CCDC169: variants seen among roughly 807,000 people sequenced by gnomAD.
CCDC169 encodes coiled-coil domain-containing protein 169.
In CCDC169, 30 loss-of-function variants were observed where a neutral mutation model predicts 36.0. The ratio of observed to expected loss-of-function variants is 0.83; its 90% CI spans 0.62 to 1.13. CCDC169 has a LOEUF of 1.13. CCDC169 is among the 50% of genes most tolerant of loss of function. The pLI is 0.00. For synonymous variants in CCDC169, 85 were observed against 81.5 expected, an observed-to-expected ratio of 1.04 and a Z score of -0.23; for missense variants, 245 against 245.9, an observed-to-expected ratio of 1.00 and a Z score of 0.03.
At chr13:36,270,802 C>G (rs1875951441) in intron 4 of CCDC169, among the ~76,000 whole-genome samples, 1 of 152,050 alleles carries the variant, frequency 6.6e-6, no homozygotes, top group Non-Finnish European at 1.5e-5. Flanking sequence ...CATATAAGAT[C>G]TGAAAGTATA....
chr13:36,277,373 T>C (rs1413535108), intron 4 of CCDC169, among the ~76,000 whole-genome samples: 1 of 152,078 alleles, frequency 6.6e-6, no homozygotes, highest in Non-Finnish European at 1.5e-5. Flanking sequence ...CTGGACTTAA[T>C]ACCTAGGTGA....
intron 2 of CCDC169, among the ~76,000 whole-genome samples, chr13:36,289,371 G>C (rs1878607345): frequency 6.6e-6 from 1 of 152,118 alleles, no homozygotes; most frequent in Non-Finnish European, 1.5e-5. Context: ...GTCTAGAAAA[G>C]CAATATTTTC....
At chr13:36,237,846 T>C (rs1871275588) in intron 7 of CCDC169, among the ~76,000 whole-genome samples, 1 of 152,230 alleles carries the variant, frequency 6.6e-6, no homozygotes, top group South Asian at 2.1e-4. Context: ...CTTACCATTG[T>C]GTTACAATTG....
rs544981429 is a variant in CCDC169, at chr13:36,271,956, A to AT, written c.315+11512dup. On this transcript the variant is annotated intron_variant, in intron 4 of 7. Coordinates refer to ENST00000239859, the MANE Select transcript of CCDC169 (RefSeq NM_001144981.3). ...AAAAATTAGCCTGGAGTGGCAGTGC[A>AT]TGTCTGTCATCCCAGCTACTCAGGA... Among the ~76,000 whole-genome samples the AT allele has an allele frequency of 7.6e-4, 116 of 151,734 alleles. 1 individual carries two copies. The highest frequency in any genetic ancestry group is 2.5e-3 in the African/African-American group (102 of 41,394).
At chr13:36,271,113 G>A (rs970044870) in intron 4 of CCDC169, among the ~76,000 whole-genome samples, 2 of 152,090 alleles carry the variant, frequency 1.3e-5, no homozygotes, top group East Asian at 1.9e-4. Context: ...GACATGAATA[G>A]ATATTTCTCA....
At chr13:36,286,798 G>C in intron 2 of CCDC169, among the ~76,000 whole-genome samples, 1 of 152,114 alleles carries the variant, frequency 6.6e-6, no homozygotes, top group East Asian at 1.9e-4. Flanking sequence ...CTAGGGTGCT[G>C]AGGCTCTCCC....
chr13:36,283,376 G>T (rs922037916), intron 4 of CCDC169, 93 bp downstream of exon 4: 36 of 1,182,226 alleles, frequency 3.0e-5, no homozygotes, highest in Non-Finnish European at 4.2e-5. Flanking sequence ...TGGACCTTGC[G>T]CTAGTCTTCA....
chr13:36,297,720 A>G lies in CCDC169; in HGVS notation c.-1T>C, dbSNP rs932078346. The G allele has an allele frequency of 4.4e-5, 69 of 1,550,934 alleles. No homozygotes were observed. Among genetic ancestry groups the G allele is most frequent in the Non-Finnish European group, 5.6e-5 (64 of 1,146,968 alleles). ...AGTTGTAGTTTCTCTCTTCCTTCAT[A>G]GTGTCAGGCCAGAGACCTCCCGCGT... On this transcript the variant is annotated 5_prime_UTR_variant, in exon 1 of 8. Coordinates refer to ENST00000239859, the MANE Select transcript of CCDC169 (RefSeq NM_001144981.3).
At chr13:36,247,827 G>T (rs1872684951) in intron 7 of CCDC169, among the ~76,000 whole-genome samples, 1 of 152,212 alleles carries the variant, frequency 6.6e-6, no homozygotes, top group African/African-American at 2.4e-5. Context: ...CAGCAGCAGA[G>T]TTTGAAAGGA....
In CCDC169 at chr13:36,263,922, T is replaced by C. The variant is rs117706434; in HGVS notation, c.316-9779A>G. 8.1e-3 allele frequency among the ~76,000 whole-genome samples: 1,232 copies of C among 152,240 alleles called. 103 individuals are homozygous for C. In the South Asian group the frequency reaches 0.17, roughly 21 times the overall value. ...GGGGGTGAGGGAGGTAGTTCAAAATTCTGCCACATGGACGCTTGCTCCAAG... is the reference window on the plus strand; with the variant it reads ...GGGGGTGAGGGAGGTAGTTCAAAATCCTGCCACATGGACGCTTGCTCCAAG... On this transcript the variant is annotated intron_variant, in intron 4 of 7. Coordinates refer to ENST00000239859, the MANE Select transcript of CCDC169 (RefSeq NM_001144981.3).
chr13:36,264,038 A>G (rs762650573), intron 4 of CCDC169, among the ~76,000 whole-genome samples: 2 of 152,182 alleles, frequency 1.3e-5, no homozygotes, highest in Non-Finnish European at 2.9e-5. Flanking sequence ...AACCCTTTTT[A>G]GTATAGTTTT....
rs1370116144 is a variant in CCDC169, at chr13:36,270,180, C to CA, written c.315+13288dup. ...AACTCAATCTCTTTTACAATAGCTG[C>CA]AAAAACAAAACAACAACTAGGAATA... is the stretch of plus-strand genomic sequence containing the variant. On this transcript the variant is annotated intron_variant, in intron 4 of 7. Coordinates refer to ENST00000239859, the MANE Select transcript of CCDC169 (RefSeq NM_001144981.3). Among the ~76,000 whole-genome samples, 3 of 150,346 alleles carry CA rather than the reference C, an allele frequency of 2.0e-5. No individual in the cohort carries two copies. The Admixed American group carries it at 2.0e-4, about 10-fold the overall frequency.
At chr13:36,233,349 T>C (rs982913275) in intron 7 of CCDC169, among the ~76,000 whole-genome samples, 7 of 151,962 alleles carry the variant, frequency 4.6e-5, no homozygotes, top group African/African-American at 1.7e-4. Flanking sequence ...GAAACTAATA[T>C]ACAGAGTGGC....
chr13:36,259,885 T>C (rs1163048305), intron 4 of CCDC169, among the ~76,000 whole-genome samples: 3 of 152,198 alleles, frequency 2.0e-5, no homozygotes, highest in Admixed American at 1.3e-4. Context: ...GTGGCCTCTC[T>C]GGCCCTGCCA....
chr13:36,231,389 T>C, intron 7 of CCDC169, 97 bp from the exon 8 acceptor site: 6 of 1,203,984 alleles, frequency 5.0e-6, no homozygotes, highest in Non-Finnish European at 7.0e-6. Context: ...TTGCACCTTG[T>C]TCCCCCCAAC....
At chr13:36,292,792 G>C (rs1879056720) in intron 2 of CCDC169, among the ~76,000 whole-genome samples, 1 of 152,172 alleles carries the variant, frequency 6.6e-6, no homozygotes, top group African/African-American at 2.4e-5. Context: ...CTGCTGTTGG[G>C]AATGATCCAG....
intron 4 of CCDC169, among the ~76,000 whole-genome samples, chr13:36,256,870 C>T (rs1375936180): frequency 1.3e-5 from 2 of 152,214 alleles, no homozygotes; most frequent in Admixed American, 1.3e-4. Flanking sequence ...CCCAGAGTGT[C>T]CATAGGTTCC....
At chr13:36,291,105 C>T (rs757595388) in intron 2 of CCDC169, among the ~76,000 whole-genome samples, 1 of 152,086 alleles carries the variant, frequency 6.6e-6, no homozygotes, top group Non-Finnish European at 1.5e-5. Context: ...GAGGGTTGGA[C>T]ATGCCACACT....
chr13:36,223,793 G>A (rs911216261), downstream of CCDC169: 1 of 152,074 alleles, frequency 6.6e-6, no homozygotes, highest in African/African-American at 2.4e-5. Flanking sequence ...TTAATACAAT[G>A]TACATAGTAT....
Sources: gnomAD v4.1 joint callset for allele counts (sites outside exome capture counted in the v4.1 genomes callset) on GRCh38, gnomAD v4.1.1 for gene constraint, MANE v1.5 for transcripts, NCBI Gene and HGNC (gene_info 2026-07-23, HGNC 2026-07-21) for gene names.